STK4: variants seen among roughly 807,000 people sequenced by gnomAD.
STK4 encodes the protein serine/threonine-protein kinase 4.
A neutral mutation model predicts 64.9 loss-of-function variants in STK4; 30 were observed. The ratio of observed to expected loss-of-function variants is 0.46; its 90% CI spans 0.35 to 0.63. The LOEUF (loss-of-function observed/expected upper bound fraction) is 0.63. Among genes scored for constraint, STK4 ranks in the 20% least tolerant of loss-of-function variants. STK4 has a pLI of 0.01. For missense variants in STK4, 466 were observed against 598.5 expected (o/e 0.78, Z 2.31); for synonymous variants, 177 against 199.0 (o/e 0.89, Z 0.93).
intron 3 of STK4, among the ~76,000 whole-genome samples, chr20:44,981,499 A>G (rs2067438916): frequency 6.6e-6 from 1 of 152,194 alleles, no homozygotes; most frequent in Non-Finnish European, 1.5e-5. Flanking sequence ...TTGGATGGAC[A>G]TTTAGATGAT....
chr20:45,066,181 T>TACAC (rs11472596), intron 10 of STK4, among the ~76,000 whole-genome samples: 11,052 of 147,508 alleles, frequency 0.075, 453 homozygotes, highest in South Asian at 0.1. Context: ...ATTATATATC[T>TACAC]ACACACACAC....
chr20:45,054,578 CAAA>C (rs1225643041), intron 10 of STK4, among the ~76,000 whole-genome samples: 1 of 64,654 alleles, frequency 1.5e-5, no homozygotes, highest in African/African-American at 6.3e-5. Context: ...TTTTTTTTTT[CAAA>C]AAAAAAAAAA....
At chr20:45,015,512 C>G (rs2068125514) in intron 9 of STK4, among the ~76,000 whole-genome samples, 1 of 152,212 alleles carries the variant, frequency 6.6e-6, no homozygotes, top group Non-Finnish European at 1.5e-5. Flanking sequence ...TTGGTGTATG[C>G]TTGCCACTCA....
chr20:44,969,583 TA>T (rs2067210086), intron 1 of STK4, among the ~76,000 whole-genome samples: 1 of 152,198 alleles, frequency 6.6e-6, no homozygotes, highest in Non-Finnish European at 1.5e-5. Flanking sequence ...GAGTTGCCAT[TA>T]GATTAATGTT....
intron 10 of STK4, 72 bp downstream of exon 10, chr20:45,025,202 A>C: frequency 6.6e-7 from 1 of 1,517,488 alleles, no homozygotes; most frequent in Non-Finnish European, 8.8e-7. Flanking sequence ...TTAGTGCCCA[A>C]GCATTTTCTT....
rs1277221559 is a variant in STK4 at position 45,035,260 on chromosome 20, CAG to C, written c.1305+10138_1305+10139del. On this transcript the variant is annotated intron_variant, in intron 10 of 10. Coordinates refer to ENST00000372806, the MANE Select transcript of STK4 (RefSeq NM_006282.5). ...AACTTTAGTTTTAGCTGTCTTTACACAGAGAGAGAATATATTACTATATCAAT... is the reference window on the plus strand; with the variant it reads ...AACTTTAGTTTTAGCTGTCTTTACACAGAGAGAATATATTACTATATCAAT... 2.0e-5 allele frequency among the ~76,000 whole-genome samples: 3 copies of C among 152,068 alleles called. No homozygotes were observed. The South Asian group carries it at 6.2e-4, about 31-fold the overall frequency.
rs1438880237 is a variant in STK4, at chr20:45,076,256, A to G, written c.*1080A>G. The G allele has an allele frequency of 6.6e-6, 1 of 152,248 alleles. No individual in the cohort carries two copies. Among genetic ancestry groups the G allele is most frequent in the East Asian group, 1.9e-4 (1 of 5,202 alleles). 9.4% of individuals were successfully genotyped at this position (152,248 alleles called of 1,614,324 possible). A position where few individuals can be genotyped will look rare whatever the true frequency, so the allele number is the denominator to read the frequency against. ...TTTCCAGGAGGCTCAATCTGAACAC[A>G]CAGAATGTCAGAGCTGGAAGGGACT... On this transcript the variant is annotated 3_prime_UTR_variant, in exon 11 of 11. Coordinates refer to ENST00000372806, the MANE Select transcript of STK4 (RefSeq NM_006282.5). This position sits in a 1 kb window ranked among gnomAD's most constrained non-coding sequence, Gnocchi z 4.0.
In STK4 at chr20:44,968,577, T is replaced by TGTTC. The variant is rs1240407804; in HGVS notation, c.35+1983_35+1986dup. Among the ~76,000 whole-genome samples, 5 of 152,382 alleles carry TGTTC rather than the reference T, an allele frequency of 3.3e-5. No homozygotes were observed. The South Asian group carries it at 8.3e-4, about 25-fold the overall frequency. ...ACTAGTTATGTTTCTTTCTGAACTA[T>TGTTC]GTTCGTTCGTTCTTCTTGGTTTCTT... On this transcript the variant is annotated intron_variant, in intron 1 of 10. Coordinates refer to ENST00000372806, the MANE Select transcript of STK4 (RefSeq NM_006282.5).
chr20:45,059,348 T>C (rs919496631), intron 10 of STK4, among the ~76,000 whole-genome samples: 3 of 152,198 alleles, frequency 2.0e-5, no homozygotes, highest in East Asian at 1.9e-4. Flanking sequence ...AGGAAGCACA[T>C]CATGGTTTCT....
intron 9 of STK4, among the ~76,000 whole-genome samples, chr20:45,015,693 C>T (rs78584830): frequency 5.9e-5 from 9 of 152,316 alleles, no homozygotes; most frequent in Non-Finnish European, 1.0e-4. Flanking sequence ...TGGCTTGAAA[C>T]TTTGCTCAGG....
chr20:45,020,256 T>C (rs532773062), intron 9 of STK4, among the ~76,000 whole-genome samples: 3 of 152,302 alleles, frequency 2.0e-5, no homozygotes, highest in South Asian at 4.1e-4. Flanking sequence ...GTAAGGCTTT[T>C]CCCCCTCTAC....
chr20:44,968,426 C>G (rs999379260), intron 1 of STK4, among the ~76,000 whole-genome samples: 1 of 152,228 alleles, frequency 6.6e-6, no homozygotes, highest in East Asian at 1.9e-4. Context: ...CGTGAGCCAC[C>G]GGGCCCGGCC....
At chr20:44,997,124 T>C (rs759241978) in intron 6 of STK4, 45 bp from the exon 7 acceptor site, 1 of 1,609,876 alleles carries the variant, frequency 6.2e-7, no homozygotes, top group South Asian at 1.1e-5. Flanking sequence ...GGAGCATTAC[T>C]TTTATTTTAC....
intron 9 of STK4, among the ~76,000 whole-genome samples, chr20:45,013,911 C>T (rs560015468): frequency 6.6e-6 from 1 of 152,140 alleles, no homozygotes; most frequent in Admixed American, 6.5e-5. Flanking sequence ...AAATAATATA[C>T]TGGTGGCACT....
intron 10 of STK4, among the ~76,000 whole-genome samples, chr20:45,064,969 G>C (rs1979437747): frequency 6.6e-6 from 1 of 152,074 alleles, no homozygotes; most frequent in Non-Finnish European, 1.5e-5. Context: ...TGCTCTGGGA[G>C]GACTTCCAGT....
chr20:44,996,275 A>G (rs545900989), intron 6 of STK4, among the ~76,000 whole-genome samples: 84 of 152,176 alleles, frequency 5.5e-4, no homozygotes, highest in African/African-American at 1.8e-3. Context: ...TCACACCCTA[A>G]GCAGTTCCCA....
In STK4 at chr20:44,982,095, C is replaced by T. The variant is rs73298589; in HGVS notation, c.360+152C>T. On this transcript the variant is annotated intron_variant, in intron 4 of 10. Transcript: ENST00000372806. ...TTTCCATCTTTATTCTTTTATGTCT[C>T]CTAAGTGTGACAGCTTTTTTTTTTT... 955 of 518,892 alleles carry T rather than the reference C, an allele frequency of 1.8e-3. 8 individuals carry two copies. Among genetic ancestry groups the T allele is most frequent in the African/African-American group, 0.018 (856 of 48,460 alleles). 32.1% of individuals were successfully genotyped at this position (518,892 alleles called of 1,614,324 possible). A position where few individuals can be genotyped will look rare whatever the true frequency, so the allele number is the denominator to read the frequency against.
intron 1 of STK4, among the ~76,000 whole-genome samples, chr20:44,968,967 T>C (rs1403750564): frequency 1.3e-5 from 2 of 152,188 alleles, no homozygotes; most frequent in Non-Finnish European, 2.9e-5. Context: ...AATCAAGGCA[T>C]TGTCAGAGTT....
chr20:45,010,544 C>T (rs545558046), intron 9 of STK4, among the ~76,000 whole-genome samples: 2 of 152,070 alleles, frequency 1.3e-5, no homozygotes, highest in Non-Finnish European at 2.9e-5. Flanking sequence ...TGAACCATTC[C>T]CTGTTTAATA....
Sources: allele counts gnomAD v4.1 joint callset (sites outside exome capture counted in the v4.1 genomes callset), GRCh38; gene constraint gnomAD v4.1.1; non-coding constraint Gnocchi (gnomAD v3.1); transcripts MANE v1.5; gene names NCBI Gene and HGNC (gene_info 2026-07-23, HGNC 2026-07-21).